RNF150: variants seen among roughly 807,000 people sequenced by gnomAD.
The protein encoded by RNF150 is ring finger protein 150.
In RNF150, 24 loss-of-function variants were observed where a neutral mutation model predicts 39.3. The ratio of observed to expected loss-of-function variants is 0.61; its 90% CI spans 0.44 to 0.86. RNF150 has a LOEUF of 0.86. Ranked by LOEUF, RNF150 falls within the 40% of genes least tolerant of loss-of-function variation. The pLI is 0.00. For synonymous variants in RNF150, 255 were observed against 227.3 expected, an observed-to-expected ratio of 1.12 and a Z score of -1.10; for missense variants, 502 against 587.8, an observed-to-expected ratio of 0.85 and a Z score of 1.51.
At chr4:140,880,471 G>T (rs1560945518) in intron 6 of RNF150, among the ~76,000 whole-genome samples, 1 of 150,250 alleles carries the variant, frequency 6.7e-6, no homozygotes, top group Non-Finnish European at 1.5e-5. Context: ...TTTTCTTGTA[G>T]TATCTTTGTC....
At chr4:141,071,795 AG>A (rs886490770) in intron 1 of RNF150, among the ~76,000 whole-genome samples, 2 of 152,176 alleles carry the variant, frequency 1.3e-5, no homozygotes, top group African/African-American at 4.8e-5. Flanking sequence ...TTCAGAATAA[AG>A]GTATTCAGAA....
At chr4:141,121,598 CTG>C (rs1726602172) in intron 1 of RNF150, among the ~76,000 whole-genome samples, 2 of 152,136 alleles carry the variant, frequency 1.3e-5, no homozygotes, top group South Asian at 4.1e-4. Context: ...TTATTCTTGA[CTG>C]TTTTACAGAA....
intron 1 of RNF150, among the ~76,000 whole-genome samples, chr4:141,098,943 C>T (rs1037939686): frequency 3.3e-5 from 5 of 152,076 alleles, no homozygotes; most frequent in Non-Finnish European, 5.9e-5. Context: ...TTAACAATCA[C>T]GAGAATGGAG....
Position 140,964,418 on chromosome 4 carries a change from T to C in RNF150, c.735+3205A>G, listed in dbSNP as rs1441935674. Reference sequence around the variant, plus strand: ...GCTCTTAGAACATGCCTGCAGCATATAATAAATGTTATACATTATTATAAT... The same window carrying C: ...GCTCTTAGAACATGCCTGCAGCATACAATAAATGTTATACATTATTATAAT... On this transcript the variant is annotated intron_variant, in intron 2 of 6. Transcript: ENST00000515673. Among the ~76,000 whole-genome samples, 3 of 152,156 alleles carry C rather than the reference T, an allele frequency of 2.0e-5. No homozygotes were observed. In the East Asian group the frequency reaches 5.8e-4, roughly 29 times the overall value.
At chr4:140,908,567 T>C (rs1441260064) in intron 6 of RNF150, among the ~76,000 whole-genome samples, 4 of 152,160 alleles carry the variant, frequency 2.6e-5, no homozygotes. Flanking sequence ...TCTTCTGTTA[T>C]GAACAGAAGG....
chr4:141,161,202 A>G (rs764687251), intron 1 of RNF150, among the ~76,000 whole-genome samples: 3 of 152,356 alleles, frequency 2.0e-5, no homozygotes, highest in East Asian at 3.9e-4. Context: ...TGAGAACTCA[A>G]GTAAAGATCA....
At chr4:141,098,662 T>C (rs929488125) in intron 1 of RNF150, among the ~76,000 whole-genome samples, 2 of 152,242 alleles carry the variant, frequency 1.3e-5, no homozygotes, top group African/African-American at 4.8e-5. Flanking sequence ...ATCTCAACTC[T>C]ACACACTTGC....
At chr4:140,882,270 C>T (rs1022634445) in intron 6 of RNF150, among the ~76,000 whole-genome samples, 1 of 152,302 alleles carries the variant, frequency 6.6e-6, no homozygotes, top group African/African-American at 2.4e-5. Context: ...CCACCCGCCT[C>T]GGCCTCCCAG....
At chr4:141,125,883 T>C (rs781468577) in intron 1 of RNF150, among the ~76,000 whole-genome samples, 108 of 152,312 alleles carry the variant, frequency 7.1e-4, no homozygotes, top group Non-Finnish European at 1.4e-3. Context: ...TAAGTTTCCT[T>C]CCCAATCCTC....
chr4:140,920,738 A>G (rs1399329445), intron 5 of RNF150, among the ~76,000 whole-genome samples: 2 of 152,100 alleles, frequency 1.3e-5, no homozygotes, highest in South Asian at 2.1e-4. Context: ...ACATGCACAC[A>G]TACGTTTATT....
chr4:141,161,959 G>A (rs1313068522), intron 1 of RNF150, among the ~76,000 whole-genome samples: 1 of 152,186 alleles, frequency 6.6e-6, no homozygotes, highest in Non-Finnish European at 1.5e-5. Context: ...CCTCTACTAG[G>A]GTAATGTGGA....
chr4:141,064,320 G>A (rs1379393135), intron 1 of RNF150, among the ~76,000 whole-genome samples: 2 of 152,138 alleles, frequency 1.3e-5, no homozygotes, highest in Non-Finnish European at 2.9e-5. Context: ...TATGACAGGC[G>A]CTTGGAAAAT....
chr4:140,947,763 C>T (rs747060866), intron 3 of RNF150, 27 bp from the exon 4 acceptor site: 3 of 1,487,980 alleles, frequency 2.0e-6, no homozygotes, highest in African/African-American at 1.4e-5. Context: ...ACAGATGAGC[C>T]TATTTTCTTA....
intron 1 of RNF150, among the ~76,000 whole-genome samples, chr4:141,056,888 A>G (rs926178614): frequency 6.6e-6 from 1 of 152,084 alleles, no homozygotes; most frequent in Non-Finnish European, 1.5e-5. Flanking sequence ...GGGCTTGAGG[A>G]AAGAAGAAAA....
intron 1 of RNF150, among the ~76,000 whole-genome samples, chr4:141,026,682 G>C (rs752008221): frequency 6.6e-6 from 1 of 152,166 alleles, no homozygotes; most frequent in African/African-American, 2.4e-5. Context: ...TTTCACAAAC[G>C]TATTTGCTCA....
At chr4:141,110,431 T>C (rs1188706780) in intron 1 of RNF150, among the ~76,000 whole-genome samples, 1 of 151,972 alleles carries the variant, frequency 6.6e-6, no homozygotes, top group African/African-American at 2.4e-5. Context: ...GAGTTTTTTG[T>C]TTGTTTTTGT....
In RNF150 at chr4:140,864,261, T is replaced by C. The variant is rs572553650; in HGVS notation, c.*4000A>G. 6.6e-6 allele frequency: 1 copy of C among 152,346 alleles called. No homozygotes were observed. 9.4% of individuals were successfully genotyped at this position (152,346 alleles called of 1,614,324 possible). A position where few individuals can be genotyped will look rare whatever the true frequency, so the allele number is the denominator to read the frequency against. On this transcript the variant is annotated 3_prime_UTR_variant, in exon 7 of 7. Transcript: ENST00000515673. ...TCTCCAGACTCTACCTCTCCCTGTG[T>C]AGATGACCAGAGTTGACACTGCAGG...
intron 1 of RNF150, among the ~76,000 whole-genome samples, chr4:141,035,311 A>G (rs1438172968): frequency 6.6e-6 from 1 of 152,170 alleles, no homozygotes; most frequent in African/African-American, 2.4e-5. Flanking sequence ...AGAATGAAAA[A>G]GGCTCCAAAT....
intron 1 of RNF150, among the ~76,000 whole-genome samples, chr4:141,183,159 A>T (rs1344959152): frequency 6.6e-6 from 1 of 151,552 alleles, no homozygotes; most frequent in Non-Finnish European, 1.5e-5. Context: ...GTGGCTCATT[A>T]TGGTTATGTG....
Sources: gnomAD v4.1 joint callset for allele counts (sites outside exome capture counted in the v4.1 genomes callset) on GRCh38, gnomAD v4.1.1 for gene constraint, MANE v1.5 for transcripts, NCBI Gene and HGNC (gene_info 2026-07-23, HGNC 2026-07-21) for gene names.